Variants in CHN1 observed in about 807,000 individuals in gnomAD.
The protein encoded by CHN1 is N-chimaerin.
CHN1 carries 37 observed loss-of-function variants against 59.5 expected under a neutral mutation model. The observed-to-expected ratio is 0.62, with a 90% confidence interval of 0.48 to 0.82. CHN1 has a LOEUF of 0.82. Ranked by LOEUF, CHN1 falls within the 40% of genes least tolerant of loss-of-function variation. The pLI, the probability that CHN1 is intolerant of heterozygous loss-of-function variation, is 0.00. For missense variants in CHN1, 469 were observed against 571.0 expected, an observed-to-expected ratio of 0.82 and a Z score of 1.82; for synonymous variants, 206 against 200.4, an observed-to-expected ratio of 1.03 and a Z score of -0.24.
chr2:174,919,970 C>T (rs61697359), intron 3 of CHN1, among the ~76,000 whole-genome samples: 47,713 of 151,908 alleles, frequency 0.31, 8,708 homozygotes, highest in Admixed American at 0.45. Context: ...CCCTCTGCCC[C>T]GATAACCACT....
intron 7 of CHN1, among the ~76,000 whole-genome samples, chr2:174,831,196 AAT>A (rs1685867822): frequency 6.6e-6 from 1 of 152,244 alleles, no homozygotes. Flanking sequence ...GTGCAGAAAA[AAT>A]AAATTATTCT....
At chr2:174,855,406 C>T (rs1686871111) in intron 6 of CHN1, among the ~76,000 whole-genome samples, 1 of 152,130 alleles carries the variant, frequency 6.6e-6, no homozygotes, top group South Asian at 2.1e-4. Flanking sequence ...TAGTGAAATC[C>T]TGCAATTTCT....
intron 1 of CHN1, among the ~76,000 whole-genome samples, chr2:174,993,286 T>C (rs1691607303): frequency 6.6e-6 from 1 of 152,042 alleles, no homozygotes; most frequent in South Asian, 2.1e-4. Flanking sequence ...GTTCATGTTA[T>C]ATTCGGAATT....
intron 5 of CHN1, among the ~76,000 whole-genome samples, chr2:174,879,343 G>A (rs1377384102): frequency 2.0e-5 from 3 of 152,202 alleles, no homozygotes; most frequent in East Asian, 1.9e-4. Context: ...GTCTGTTTCT[G>A]TAGTTCAAAT....
In CHN1 at chr2:174,846,302, C is replaced by T. The variant is rs765528307; in HGVS notation, c.627+578G>A. The T allele has an allele frequency of 1.9e-6, 3 of 1,543,440 alleles. No homozygotes were observed. In the South Asian group the frequency reaches 3.6e-5, roughly 19 times the overall value. On this transcript the variant is annotated intron_variant, in intron 7 of 12. Transcript: ENST00000409900. ...ACATTAACACAATAATTAAAAACTACACATACGCATACATGGTGAAAGCAA... is the reference window on the plus strand; with the variant it reads ...ACATTAACACAATAATTAAAAACTATACATACGCATACATGGTGAAAGCAA...
chr2:174,952,227 C>T, intron 1 of CHN1, 25 bp from the exon 2 acceptor site: 1 of 1,286,114 alleles, frequency 7.8e-7, no homozygotes, highest in Non-Finnish European at 1.0e-6. Context: ...ATCAAATTAA[C>T]ATTACTGAAT....
At chr2:174,963,758 G>A (rs539401287) in intron 1 of CHN1, among the ~76,000 whole-genome samples, 3 of 152,192 alleles carry the variant, frequency 2.0e-5, no homozygotes, top group Non-Finnish European at 2.9e-5. Flanking sequence ...CTCAAGAGTC[G>A]GAGAAAGCAA....
Position 174,987,028 on chromosome 2 carries a change from G to A in CHN1, c.19+17866C>T, listed in dbSNP as rs563672153. Among the ~76,000 whole-genome samples, 12 of 152,294 alleles carry A rather than the reference G, an allele frequency of 7.9e-5. No homozygotes were observed. The East Asian group carries it at 1.5e-3, about 20-fold the overall frequency. On this transcript the variant is annotated intron_variant, in intron 1 of 12. Coordinates refer to ENST00000409900, the MANE Select transcript of CHN1 (RefSeq NM_001822.7). ...TGGGATTACAGGCATGAGCCACCACGCCCAGCCGATTTTATTATTTTGTTA... is the reference window on the plus strand; with the variant it reads ...TGGGATTACAGGCATGAGCCACCACACCCAGCCGATTTTATTATTTTGTTA...
At chr2:174,875,596 C>T (rs1687544115) in intron 6 of CHN1, among the ~76,000 whole-genome samples, 1 of 152,172 alleles carries the variant, frequency 6.6e-6, no homozygotes, top group Non-Finnish European at 1.5e-5. Flanking sequence ...TAGAACATAG[C>T]TCTTAATTCC....
intron 3 of CHN1, 121 bp from the exon 4 acceptor site, chr2:174,918,686 G>A: frequency 4.0e-6 from 3 of 746,394 alleles, no homozygotes; most frequent in Non-Finnish European, 6.2e-6. Context: ...AAATAACAGA[G>A]TATGGAGTCC....
At chr2:174,970,764 A>C (rs950812377) in intron 1 of CHN1, among the ~76,000 whole-genome samples, 3 of 152,196 alleles carry the variant, frequency 2.0e-5, no homozygotes, top group Non-Finnish European at 4.4e-5. Context: ...ATTGCAATTG[A>C]CCTTTAAAAA....
At chr2:174,909,020 T>C (rs1029670591) in intron 5 of CHN1, among the ~76,000 whole-genome samples, 3 of 152,176 alleles carry the variant, frequency 2.0e-5, no homozygotes, top group Non-Finnish European at 4.4e-5. Flanking sequence ...TATCAAAACA[T>C]ATTTTACAAA....
intron 3 of CHN1, among the ~76,000 whole-genome samples, chr2:174,926,706 G>A (rs1349383242): frequency 1.3e-5 from 2 of 151,876 alleles, no homozygotes; most frequent in East Asian, 3.9e-4. Flanking sequence ...TGTATTTGGT[G>A]AAAGTCTGAT....
intron 5 of CHN1, among the ~76,000 whole-genome samples, chr2:174,889,003 A>G (rs1355563510): frequency 2.0e-5 from 3 of 152,162 alleles, no homozygotes; most frequent in African/African-American, 7.2e-5. Context: ...CAAGGGACTA[A>G]CGTCTCACTT....
rs566095276 is a variant in CHN1 at position 174,864,463 on chromosome 2, CTTAG to C, written c.549+13373_549+13376del. Among the ~76,000 whole-genome samples, 302 of 152,192 alleles carry C rather than the reference CTTAG, an allele frequency of 2.0e-3. 1 individual carries two copies. The highest frequency in any genetic ancestry group is 7.0e-3 in the African/African-American group (292 of 41,530). ...ATGCAATATGCCTTATATTATAAAT[CTTAG>C]TTATCAGATTTCATTAATATGCAAA... On this transcript the variant is annotated intron_variant, in intron 6 of 12. Transcript: ENST00000409900.
chr2:175,004,505 C>A (rs980380174), intron 1 of CHN1, among the ~76,000 whole-genome samples: 2 of 151,436 alleles, frequency 1.3e-5, no homozygotes, highest in Non-Finnish European at 3.0e-5. Flanking sequence ...AGGCTGGGGA[C>A]TCACAGATAC....
At chr2:174,957,306 T>C (rs1690237606) in intron 1 of CHN1, among the ~76,000 whole-genome samples, 1 of 152,116 alleles carries the variant, frequency 6.6e-6, no homozygotes, top group Non-Finnish European at 1.5e-5. Flanking sequence ...AGGACTTGTT[T>C]ACAGCGTGAG....
chr2:174,831,167 A>G (rs1273806207), intron 7 of CHN1, among the ~76,000 whole-genome samples: 1 of 152,240 alleles, frequency 6.6e-6, no homozygotes, highest in Non-Finnish European at 1.5e-5. Context: ...ATTGGTATAC[A>G]AAACAATATT....
intron 3 of CHN1, among the ~76,000 whole-genome samples, chr2:174,932,565 C>T (rs1574181075): frequency 6.6e-6 from 1 of 152,186 alleles, no homozygotes; most frequent in East Asian, 1.9e-4. Context: ...CAGGTTACCA[C>T]TAAAAGTTAG....
Sources: gnomAD v4.1 joint callset for allele counts (sites outside exome capture counted in the v4.1 genomes callset) on GRCh38, gnomAD v4.1.1 for gene constraint, MANE v1.5 for transcripts, NCBI Gene and HGNC (gene_info 2026-07-23, HGNC 2026-07-21) for gene names.